The following CDS2 variants were observed in gnomAD, a reference collection of about 807,000 sequenced individuals.
CDS2 encodes the protein phosphatidate cytidylyltransferase 2.
Under a neutral mutation model 59.0 loss-of-function variants are expected in CDS2, and 47 were observed. The observed-to-expected ratio is 0.80, with a 90% CI of 0.63 to 1.02. The LOEUF (loss-of-function observed/expected upper bound fraction) is 1.02, where lower values mean the gene tolerates loss of function less well. CDS2 is among the 50% of genes least tolerant of loss of function. The pLI, the probability that CDS2 is intolerant of heterozygous loss-of-function variation, is 0.00. For missense variants in CDS2, 356 were observed against 558.9 expected (o/e 0.64, Z 3.66); for synonymous variants, 207 against 206.4 (o/e 1.00, Z -0.02).
intron 1 of CDS2, among the ~76,000 whole-genome samples, chr20:5,129,522 A>G (rs1333159745): frequency 6.6e-6 from 1 of 150,528 alleles, no homozygotes; most frequent in Non-Finnish European, 1.5e-5. Context: ...GGCTCATCGC[A>G]ACCTCTACCT....
Position 5,127,160 on chromosome 20 carries a change from C to T in CDS2, c.57+11C>T, listed in dbSNP as rs1381981309. The T allele has an allele frequency of 1.3e-6, 2 of 1,487,356 alleles. No individual in the cohort carries two copies. The highest frequency in any genetic ancestry group is 2.3e-5 in the Admixed American group (1 of 42,788). The allele number at this position is 1,487,356 out of a possible 1,614,324, so 92.1% of individuals were successfully genotyped here. ...CCACCCGAGGACAAGGTAGCGGCAG[C>T]GTCGGGGTGGGCGCGGCCGGGACAG... On this transcript the variant is annotated intron_variant, in intron 1 of 12. Transcript: ENST00000460006.
intron 1 of CDS2, chr20:5,168,499 A>G (rs981840161): frequency 1.4e-5 from 6 of 440,116 alleles, no homozygotes; most frequent in African/African-American, 1.2e-4. Flanking sequence ...GGAGCCTGAC[A>G]CAGTGCCCAA....
intron 1 of CDS2, among the ~76,000 whole-genome samples, chr20:5,154,949 A>T (rs540918133): frequency 6.6e-6 from 1 of 152,160 alleles, no homozygotes; most frequent in Non-Finnish European, 1.5e-5. Context: ...CGCTCAGCTG[A>T]TTTGTTCCGA....
At position 5,183,099 on chromosome 20, in the gene CDS2, A is replaced by G. The variant is rs908151100; in HGVS notation, c.627A>G (p.Thr209=). Residue 209 remains threonine, a synonymous_variant, in exon 7 of 13, where the codon ACA becomes ACG. Coordinates refer to ENST00000460006, the MANE Select transcript of CDS2 (RefSeq NM_003818.4). The part of the protein sequence containing the change: ...WTHVTLLIVV[T]QSHLVIHNLF... ...ATGTGACATTGCTGATTGTTGTAACACAGTCACATCTTGTTATCCACAACC... is the reference window on the plus strand; with the variant it reads ...ATGTGACATTGCTGATTGTTGTAACGCAGTCACATCTTGTTATCCACAACC... The G allele has an allele frequency of 1.3e-5, 21 of 1,613,994 alleles. No individual in the cohort carries two copies. Among genetic ancestry groups the G allele is most frequent in the Non-Finnish European group, 1.7e-5 (20 of 1,179,986 alleles).
At chr20:5,171,200 C>T (rs1006403376) in intron 1 of CDS2, among the ~76,000 whole-genome samples, 13 of 152,224 alleles carry the variant, frequency 8.5e-5, no homozygotes, top group South Asian at 2.1e-4. Flanking sequence ...GCTCTTAGCA[C>T]GGAGCTGGAG....
At chr20:5,168,576 G>A (rs774732002) in intron 1 of CDS2, 1 of 517,860 alleles carries the variant, frequency 1.9e-6, no homozygotes, top group Non-Finnish European at 3.9e-6. Flanking sequence ...CACTACTTTG[G>A]GTGTCAGAGT....
At chr20:5,151,750 CTTTTTTTTTTTTT>C (rs57378947) in intron 1 of CDS2, among the ~76,000 whole-genome samples, 3,620 of 53,246 alleles carry the variant, frequency 0.068, 234 homozygotes, top group African/African-American at 0.2. Context: ...GACTCCATGT[CTTTTTTTTTTTTT>C]TTTTTTTTTT....
chr20:5,152,255 C>T (rs529959040), intron 1 of CDS2, among the ~76,000 whole-genome samples: 2 of 152,178 alleles, frequency 1.3e-5, no homozygotes, highest in Admixed American at 1.3e-4. Context: ...ACTCATTCCT[C>T]TTAAGCTTTC....
intron 1 of CDS2, chr20:5,168,570 A>G (rs764482952): frequency 3.9e-6 from 2 of 517,490 alleles, no homozygotes; most frequent in Non-Finnish European, 7.7e-6. Context: ...GACCATCACT[A>G]CTTTGGGTGT....
Position 5,184,996 on chromosome 20 carries a change from T to A in CDS2, c.759+51T>A. 1 of 1,310,176 alleles carries A rather than the reference T, an allele frequency of 7.6e-7. No homozygotes were observed. The highest frequency in any genetic ancestry group is 1.1e-6 in the Non-Finnish European group (1 of 902,974). The allele number at this position is 1,310,176 out of a possible 1,614,324, so 81.2% of individuals were successfully genotyped here. A position where few individuals can be genotyped will look rare whatever the true frequency, so the allele number is the denominator to read the frequency against. On this transcript the variant is annotated intron_variant, in intron 8 of 12. Transcript: ENST00000460006. The surrounding 1 kb of genome is among the most constrained non-coding windows in gnomAD (Gnocchi z 4.3). ...TACCACTGTGAGGGGAGGGTGGTGC[T>A]CTCAATGTGAGTAGATCAGCCTGGC...
intron 1 of CDS2, among the ~76,000 whole-genome samples, chr20:5,172,393 C>T (rs543540344): frequency 6.6e-6 from 1 of 152,206 alleles, no homozygotes; most frequent in Non-Finnish European, 1.5e-5. Flanking sequence ...AGCACATAAA[C>T]CACTACAAAT....
At chr20:5,140,632 T>G (rs1352223628) in intron 1 of CDS2, among the ~76,000 whole-genome samples, 1 of 152,222 alleles carries the variant, frequency 6.6e-6, no homozygotes, top group Admixed American at 6.5e-5. Flanking sequence ...AAATTGTGTC[T>G]TAGAGCTCAA....
intron 1 of CDS2, among the ~76,000 whole-genome samples, chr20:5,133,840 A>C (rs896844073): frequency 3.3e-5 from 5 of 152,132 alleles, no homozygotes; most frequent in African/African-American, 9.7e-5. Context: ...AGGTCTTCTA[A>C]TTCCCGGTTG....
chr20:5,178,535 A>G (rs146877334), intron 4 of CDS2, among the ~76,000 whole-genome samples: 47 of 152,318 alleles, frequency 3.1e-4, no homozygotes, highest in African/African-American at 9.6e-4. Flanking sequence ...AGGATCCCTC[A>G]GTTAGGTATG....
chr20:5,185,096 A>G (rs2091057766), intron 8 of CDS2, 151 bp downstream of exon 8: 1 of 625,692 alleles, frequency 1.6e-6, no homozygotes, highest in Non-Finnish European at 2.8e-6. Flanking sequence ...AAAGGAAAAC[A>G]CTGACAACTG....
intron 1 of CDS2, among the ~76,000 whole-genome samples, chr20:5,169,584 C>T (rs774705442): frequency 2.0e-5 from 3 of 152,236 alleles, no homozygotes; most frequent in African/African-American, 4.8e-5. Flanking sequence ...ACTGCCGTGT[C>T]TGACATGTAT....
chr20:5,153,128 T>C (rs1184541685), intron 1 of CDS2, among the ~76,000 whole-genome samples: 1 of 152,176 alleles, frequency 6.6e-6, no homozygotes, highest in Non-Finnish European at 1.5e-5. Flanking sequence ...AAATACAACT[T>C]ACAGTGTGTC....
At chr20:5,145,198 G>T (rs2090730163) in intron 1 of CDS2, among the ~76,000 whole-genome samples, 1 of 150,382 alleles carries the variant, frequency 6.6e-6, no homozygotes, top group Non-Finnish European at 1.5e-5. Context: ...CTTTTGCCCG[G>T]TAGACCTCAT....
intron 1 of CDS2, among the ~76,000 whole-genome samples, chr20:5,170,186 T>C (rs2090945208): frequency 6.6e-6 from 1 of 152,140 alleles, no homozygotes; most frequent in Non-Finnish European, 1.5e-5. Context: ...GGGCCTTGCT[T>C]TCCTGGACTG....
Sources: allele counts gnomAD v4.1 joint callset (sites outside exome capture counted in the v4.1 genomes callset), GRCh38; gene constraint gnomAD v4.1.1; non-coding constraint Gnocchi (gnomAD v3.1); transcripts MANE v1.5; gene names NCBI Gene and HGNC (gene_info 2026-07-23, HGNC 2026-07-21).